The following AHI1 variants were observed in gnomAD, a reference collection of about 807,000 sequenced individuals.
AHI1 encodes Abelson helper integration site 1, also known as jouberin.
AHI1 carries 123 observed loss-of-function variants against 149.3 expected under a neutral mutation model. The observed-to-expected ratio is 0.82, with a 90% CI of 0.71 to 0.96. The LOEUF is 0.96. AHI1 is among the 40% of genes least tolerant of loss of function. The probability of loss-of-function intolerance (pLI) is 0.00; values close to 1 mark genes in which losing one functional copy is unlikely to be tolerated. For missense variants in AHI1, 1,439 were observed against 1,422.7 expected (o/e 1.01, Z -0.18); for synonymous variants, 475 against 459.8 (o/e 1.03, Z -0.42).
At position 135,384,286 on chromosome 6, in the gene AHI1, ATATAGT is replaced by A. The variant is rs564245634; in HGVS notation, c.3109+10484_3109+10489del. Reference sequence around the variant, plus strand: ...CATTCAATGATTAAAGTAGTTCTGAATATAGTTATAAAGATACAATCTATTATTCCT... The same window carrying A: ...CATTCAATGATTAAAGTAGTTCTGAATATAAAGATACAATCTATTATTCCT... On this transcript the variant is annotated intron_variant, in intron 23 of 28. Transcript: ENST00000265602. 2.0e-3 allele frequency among the ~76,000 whole-genome samples: 310 copies of A among 152,352 alleles called. 4 individuals are homozygous for A. The highest frequency in any genetic ancestry group is 6.8e-3 in the African/African-American group (283 of 41,580).
At chr6:135,329,357 AG>A (rs1788188762) in intron 24 of AHI1, among the ~76,000 whole-genome samples, 1 of 152,190 alleles carries the variant, frequency 6.6e-6, no homozygotes, top group Admixed American at 6.5e-5. Flanking sequence ...TTCAAGTTGA[AG>A]CCAGTGTTCA....
At chr6:135,443,755 C>T (rs1786703274) in intron 13 of AHI1, among the ~76,000 whole-genome samples, 1 of 152,160 alleles carries the variant, frequency 6.6e-6, no homozygotes, top group Non-Finnish European at 1.5e-5. Context: ...AAGTGTCAAT[C>T]ATGTACCAGA....
chr6:135,294,482 C>T (rs897611633), intron 27 of AHI1, among the ~76,000 whole-genome samples: 1 of 151,888 alleles, frequency 6.6e-6, no homozygotes, highest in African/African-American at 2.4e-5. Context: ...GCACTCCAGC[C>T]TGGATGACAA....
intron 20 of AHI1, among the ~76,000 whole-genome samples, chr6:135,416,632 A>T (rs545658276): frequency 3.9e-5 from 6 of 152,228 alleles, no homozygotes; most frequent in African/African-American, 1.4e-4. Context: ...ATAAAACAAT[A>T]TAGACAGTAT....
At chr6:135,344,520 T>C (rs953767746) in intron 24 of AHI1, among the ~76,000 whole-genome samples, 1 of 151,868 alleles carries the variant, frequency 6.6e-6, no homozygotes, top group African/African-American at 2.4e-5. Flanking sequence ...CCTAAGTTAT[T>C]TGACTATTAA....
Position 135,457,689 on chromosome 6 carries a change from T to C in AHI1, c.956A>G (p.Asp319Gly). ...KAVADNNEDV[D>G]GDGVHEITSR... ...TGTTATTTCATGAACACCATCACCATCAACATCTTCATTATTATCTGCAAC... is the reference window on the plus strand; with the variant it reads ...TGTTATTTCATGAACACCATCACCACCAACATCTTCATTATTATCTGCAAC... The change falls in exon 9 of 29, where the codon GAT (aspartate) becomes GGT (glycine). Residue 319 changes from aspartate (D) to glycine (G), a missense_variant. Physicochemically the swap from Asp to Gly is moderately conservative, Grantham distance 94. Coordinates refer to ENST00000265602, the MANE Select transcript of AHI1 (RefSeq NM_001134831.2). 1 of 1,613,878 alleles carries C rather than the reference T, an allele frequency of 6.2e-7. No homozygotes were observed. Among genetic ancestry groups the C allele is most frequent in the East Asian group, 2.2e-5 (1 of 44,862 alleles).
At chr6:135,286,922 G>A (rs180922756) in intron 28 of AHI1, among the ~76,000 whole-genome samples, 4 of 152,260 alleles carry the variant, frequency 2.6e-5, no homozygotes, top group African/African-American at 4.8e-5. Context: ...GAAAAAGTAC[G>A]TAAAACTTTC....
intron 24 of AHI1, among the ~76,000 whole-genome samples, chr6:135,336,766 C>T (rs1045844251): frequency 1.3e-5 from 2 of 152,196 alleles, no homozygotes; most frequent in Admixed American, 1.3e-4. Context: ...TACTATTAAT[C>T]ATCTGATACA....
Position 135,364,738 on chromosome 6 carries a change from G to A in AHI1, c.3110-6551C>T, listed in dbSNP as rs554819799. Reference sequence around the variant, plus strand: ...ATCCCCGTCTCCACCAAAAAAATACGAAAACCAGTCAGGCGTGGCGGCGCA... The same window carrying A: ...ATCCCCGTCTCCACCAAAAAAATACAAAAACCAGTCAGGCGTGGCGGCGCA... On this transcript the variant is annotated intron_variant, in intron 23 of 28. Transcript: ENST00000265602. Among the ~76,000 whole-genome samples the A allele has an allele frequency of 2.0e-4, 31 of 152,298 alleles. No individual in the cohort carries two copies. In the East Asian group the frequency reaches 4.6e-3, roughly 23 times the overall value.
rs761218732 is a variant in AHI1, at chr6:135,285,623, C to T, written c.*22G>A. ...TTTTCACCTCTGTGCATTTCGGCAG[C>T]TCTTAACTTTTCTTCAATTCTTTAC... On this transcript the variant is annotated 3_prime_UTR_variant, in exon 29 of 29. Coordinates refer to ENST00000265602, the MANE Select transcript of AHI1 (RefSeq NM_001134831.2). The T allele has an allele frequency of 1.2e-6, 2 of 1,607,424 alleles. No homozygotes were observed. Among genetic ancestry groups the T allele is most frequent in the Non-Finnish European group, 1.7e-6 (2 of 1,175,950 alleles).
chr6:135,387,984 G>A (rs376533791), intron 23 of AHI1: 6 of 1,613,636 alleles, frequency 3.7e-6, no homozygotes, highest in Non-Finnish European at 5.1e-6. Flanking sequence ...CCTGAGTCTA[G>A]TGCTTTTTCC....
intron 20 of AHI1, among the ~76,000 whole-genome samples, chr6:135,423,313 ATTG>A (rs762271559): frequency 1.6e-4 from 25 of 152,276 alleles, no homozygotes; most frequent in Non-Finnish European, 3.1e-4. Context: ...AGGATTTGTA[ATTG>A]TTAATGCCAA....
chr6:135,326,829 G>A (rs1025690893), intron 24 of AHI1, among the ~76,000 whole-genome samples: 4 of 152,048 alleles, frequency 2.6e-5, no homozygotes, highest in Non-Finnish European at 4.4e-5. Context: ...CAAAGTGCTG[G>A]GATTACAGAC....
At chr6:135,440,574 A>C (rs1479802313) in intron 14 of AHI1, among the ~76,000 whole-genome samples, 1 of 152,166 alleles carries the variant, frequency 6.6e-6, no homozygotes, top group Non-Finnish European at 1.5e-5. Flanking sequence ...CAGGACAAAC[A>C]GAAAGTAAAG....
intron 26 of AHI1, chr6:135,301,451 T>C (rs1783872980): frequency 3.0e-6 from 3 of 985,334 alleles, no homozygotes; most frequent in East Asian, 1.1e-4. Flanking sequence ...CCTGGTGTTA[T>C]CTCTACTGAA....
Position 135,463,310 on chromosome 6 carries a change from C to T in AHI1, c.750-4G>A. The stretch of plus-strand genomic sequence containing the variant: ...GTCACCAGAGATGGTCAATGTACTA[C>T]AAATATAATCCAAGTATCAGCCATT... On this transcript the variant is annotated splice_polypyrimidine_tract_variant and splice_region_variant and intron_variant, in intron 7 of 28. Coordinates refer to ENST00000265602, the MANE Select transcript of AHI1 (RefSeq NM_001134831.2). The T allele has an allele frequency of 6.3e-7, 1 of 1,590,592 alleles. No homozygotes were observed. Among genetic ancestry groups the T allele is most frequent in the Non-Finnish European group, 8.5e-7 (1 of 1,171,348 alleles).
Position 135,404,250 on chromosome 6 carries a change from A to G in AHI1, c.2988+701T>C, listed in dbSNP as rs538355597. Among the ~76,000 whole-genome samples, 12 of 152,332 alleles carry G rather than the reference A, an allele frequency of 7.9e-5. No individual in the cohort carries two copies. The South Asian group carries it at 2.5e-3, about 32-fold the overall frequency. ...AACTCCTTATTTTCCCAACACCTAA[A>G]TTAAAAGTTACACATAAAATAACCT... On this transcript the variant is annotated intron_variant, in intron 22 of 28. Coordinates refer to ENST00000265602, the MANE Select transcript of AHI1 (RefSeq NM_001134831.2).
intron 24 of AHI1, among the ~76,000 whole-genome samples, chr6:135,345,241 G>T (rs1162968236): frequency 6.6e-6 from 1 of 152,178 alleles, no homozygotes; most frequent in East Asian, 1.9e-4. Flanking sequence ...AAGTGGTTCA[G>T]TTGCTTTGGA....
chr6:135,483,206 G>A lies in AHI1; in HGVS notation c.135+7417C>T, dbSNP rs184761792. Among the ~76,000 whole-genome samples the A allele has an allele frequency of 8.6e-5, 13 of 151,906 alleles. No homozygotes were observed. The East Asian group carries it at 2.5e-3, about 29-fold the overall frequency. On this transcript the variant is annotated intron_variant, in intron 5 of 28. Coordinates refer to ENST00000265602, the MANE Select transcript of AHI1 (RefSeq NM_001134831.2). ...AGCCACCACACCCAGCCCATTTAAGGCTTTTTAAATTTAGTTACCCCCTGA... is the reference window on the plus strand; with the variant it reads ...AGCCACCACACCCAGCCCATTTAAGACTTTTTAAATTTAGTTACCCCCTGA...
Sources: gnomAD v4.1 joint callset for allele counts (sites outside exome capture counted in the v4.1 genomes callset) on GRCh38, gnomAD v4.1.1 for gene constraint, MANE v1.5 for transcripts, NCBI Gene and HGNC (gene_info 2026-07-23, HGNC 2026-07-21) for gene names.